CPXM2: variants seen among roughly 807,000 people sequenced by gnomAD.
CPXM2 encodes the protein carboxypeptidase X, M14 family member 2.
CPXM2 carries 66 observed loss-of-function variants against 86.1 expected under a neutral mutation model. The observed-to-expected ratio is 0.77, with a 90% confidence interval of 0.63 to 0.94. The LOEUF is 0.94. Ranked by LOEUF, CPXM2 falls within the 40% of genes least tolerant of loss-of-function variation. CPXM2 has a pLI of 0.00. For missense variants in CPXM2, 948 were observed against 1,026.3 expected (o/e 0.92, Z 1.04); for synonymous variants, 388 against 400.2 (o/e 0.97, Z 0.36).
intron 7 of CPXM2, among the ~76,000 whole-genome samples, chr10:123,775,934 C>A (rs1218341141): frequency 1.3e-5 from 2 of 152,172 alleles, no homozygotes; most frequent in Non-Finnish European, 2.9e-5. Context: ...GCAATTAATT[C>A]TTGTAAAGGA....
intron 4 of CPXM2, among the ~76,000 whole-genome samples, chr10:123,802,013 C>T (rs1201758191): frequency 6.6e-6 from 1 of 152,176 alleles, no homozygotes; most frequent in Non-Finnish European, 1.5e-5. Flanking sequence ...GTCGTTCTCT[C>T]CCACTGACGT....
chr10:123,886,225 C>G (rs955212457), intron 1 of CPXM2, among the ~76,000 whole-genome samples: 1 of 152,174 alleles, frequency 6.6e-6, no homozygotes, highest in Non-Finnish European at 1.5e-5. Flanking sequence ...ATGCTAATAG[C>G]ATTGTGATTG....
At chr10:123,771,290 C>T (rs571956179) in intron 7 of CPXM2, among the ~76,000 whole-genome samples, 1 of 152,158 alleles carries the variant, frequency 6.6e-6, no homozygotes, top group Non-Finnish European at 1.5e-5. Context: ...CTGGCCATTG[C>T]CCCCACCCGG....
intron 1 of CPXM2, among the ~76,000 whole-genome samples, chr10:123,883,000 G>A (rs2134237154): frequency 6.7e-6 from 1 of 150,036 alleles, no homozygotes; most frequent in East Asian, 2.0e-4. Context: ...CGACAGCCTG[G>A]ACTGCCCGCA....
upstream of CPXM2, among the ~76,000 whole-genome samples, chr10:123,895,690 G>C (rs149314935): frequency 6.6e-6 from 1 of 152,124 alleles, no homozygotes; most frequent in Non-Finnish European, 1.5e-5. Context: ...GAGTCTCTCC[G>C]CGTAGTGTAA....
chr10:123,891,651 G>T lies in CPXM2; in HGVS notation c.9C>A (p.Arg3=). MS[R]PGTATPALAL... ...CCAGCGCTGGGGTAGCGGTCCCCGG[G>T]CGGGACATGCCTGCTCCGCCCCGCG... Residue 3 remains arginine, a synonymous_variant, in exon 1 of 14, where the codon CGC becomes CGA. Transcript: ENST00000241305. This position sits in a 1 kb window ranked among gnomAD's most constrained non-coding sequence, Gnocchi z 5.6. 6.9e-7 allele frequency: 1 copy of T among 1,443,138 alleles called. No individual in the cohort carries two copies. 89.4% of individuals were successfully genotyped at this position (1,443,138 alleles called of 1,614,324 possible).
chr10:123,859,558 C>T (rs1043241727), intron 3 of CPXM2, among the ~76,000 whole-genome samples: 5 of 152,188 alleles, frequency 3.3e-5, no homozygotes, highest in African/African-American at 4.8e-5. Flanking sequence ...ACCAGGTACC[C>T]GAGTAGGGTC....
At chr10:123,829,243 G>C (rs1848110492) in intron 4 of CPXM2, among the ~76,000 whole-genome samples, 1 of 152,198 alleles carries the variant, frequency 6.6e-6, no homozygotes, top group Admixed American at 6.5e-5. Context: ...AGGATGCCCA[G>C]AAACTGGATC....
chr10:123,838,698 C>T (rs982734021), intron 4 of CPXM2, among the ~76,000 whole-genome samples: 1 of 152,132 alleles, frequency 6.6e-6, no homozygotes, highest in Non-Finnish European at 1.5e-5. Flanking sequence ...ACGCTCTGCA[C>T]GCTTAACTAG....
chr10:123,829,132 C>T (rs991809891), intron 4 of CPXM2, among the ~76,000 whole-genome samples: 22 of 152,134 alleles, frequency 1.4e-4, no homozygotes, highest in Non-Finnish European at 7.3e-5. Flanking sequence ...TTCAACATCG[C>T]TAGCTATTAA....
chr10:123,808,317 G>C lies in CPXM2; in HGVS notation c.654-9118C>G, dbSNP rs191313442. Reference sequence around the variant, plus strand: ...AAACAAATGCTTAAAACCATCAGTGGGTTTGTGAGCAAGTAAAGAAACTCT... The same window carrying C: ...AAACAAATGCTTAAAACCATCAGTGCGTTTGTGAGCAAGTAAAGAAACTCT... On this transcript the variant is annotated intron_variant, in intron 4 of 13. Coordinates refer to ENST00000241305, the MANE Select transcript of CPXM2 (RefSeq NM_198148.3). Among the ~76,000 whole-genome samples the C allele has an allele frequency of 2.4e-3, 362 of 152,092 alleles. 1 individual carries two copies. Among genetic ancestry groups the C allele is most frequent in the African/African-American group, 8.3e-3 (345 of 41,490 alleles).
At chr10:123,895,493 G>C (rs1203715349), upstream of CPXM2, among the ~76,000 whole-genome samples, 1 of 152,142 alleles carries the variant, frequency 6.6e-6, no homozygotes, top group Non-Finnish European at 1.5e-5. Flanking sequence ...TGCTAACTTT[G>C]CATCTTCCAC....
Position 123,885,605 on chromosome 10 carries a change from C to T in CPXM2, c.305-5296G>A, listed in dbSNP as rs1945167905. ...AACGAGTAGCCAGCTGGCTGCCAGC[C>T]AGATGTGGATGCCAGCCCTTCCAGT... On this transcript the variant is annotated intron_variant, in intron 1 of 13. Transcript: ENST00000241305. This position sits in a 1 kb window ranked among gnomAD's most constrained non-coding sequence, Gnocchi z 4.0. 6.6e-6 allele frequency among the ~76,000 whole-genome samples: 1 copy of T among 152,194 alleles called. No individual in the cohort carries two copies.
chr10:123,834,800 C>T (rs1848246131), intron 4 of CPXM2, among the ~76,000 whole-genome samples: 2 of 152,014 alleles, frequency 1.3e-5, no homozygotes, highest in Non-Finnish European at 2.9e-5. Flanking sequence ...TAATGCCCTC[C>T]TTGGTGGGGG....
At chr10:123,860,587 G>A (rs183499445) in intron 3 of CPXM2, among the ~76,000 whole-genome samples, 257 of 152,304 alleles carry the variant, frequency 1.7e-3, no homozygotes, top group African/African-American at 5.8e-3. Context: ...CTTTTTCAAA[G>A]GATAATTTCA....
intron 6 of CPXM2, among the ~76,000 whole-genome samples, chr10:123,781,992 G>C (rs1846945883): frequency 6.6e-6 from 1 of 152,192 alleles, no homozygotes; most frequent in African/African-American, 2.4e-5. Flanking sequence ...TGAAAACACA[G>C]CTTTTAATAT....
At chr10:123,843,001 C>T (rs545343970) in intron 3 of CPXM2, among the ~76,000 whole-genome samples, 2 of 152,260 alleles carry the variant, frequency 1.3e-5, no homozygotes, top group Admixed American at 1.3e-4. Context: ...CAGAAAGCCC[C>T]AAGACCAGGG....
At chr10:123,822,749 A>G (rs1847955654) in intron 4 of CPXM2, among the ~76,000 whole-genome samples, 1 of 151,654 alleles carries the variant, frequency 6.6e-6, no homozygotes, top group Non-Finnish European at 1.5e-5. Flanking sequence ...TAATAATAAT[A>G]ATAGAATTTT....
chr10:123,769,017 A>C (rs981733478), intron 8 of CPXM2, among the ~76,000 whole-genome samples: 1 of 152,202 alleles, frequency 6.6e-6, no homozygotes, highest in Non-Finnish European at 1.5e-5. Context: ...AGGGCTTAAC[A>C]TTCACAAGTT....
Sources: gnomAD v4.1 joint callset for allele counts (sites outside exome capture counted in the v4.1 genomes callset) on GRCh38, gnomAD v4.1.1 for gene constraint, Gnocchi (gnomAD v3.1) non-coding constraint, MANE v1.5 for transcripts, NCBI Gene and HGNC (gene_info 2026-07-23, HGNC 2026-07-21) for gene names.